KAT6B: variants seen among roughly 807,000 people sequenced by gnomAD.
The protein encoded by KAT6B is histone acetyltransferase KAT6B.
Under a neutral mutation model 187.5 loss-of-function variants are expected in KAT6B, and 10 were observed. The ratio of observed to expected loss-of-function variants is 0.05; its 90% CI spans 0.03 to 0.09. KAT6B has a LOEUF of 0.09. Ranked by LOEUF, KAT6B falls within the 10% of genes least tolerant of loss-of-function variation. KAT6B has a pLI of 1.00. For synonymous variants in KAT6B, 861 were observed against 926.8 expected (o/e 0.93, Z 1.29); for missense variants, 1,952 against 2,558.9 (o/e 0.76, Z 5.12).
intron 3 of KAT6B, among the ~76,000 whole-genome samples, chr10:74,887,925 G>T (rs12252917): frequency 0.023 from 3,534 of 152,192 alleles, 137 homozygotes; most frequent in African/African-American, 0.08. Context: ...GATTGAGACT[G>T]CAGTAAGCTA....
upstream of KAT6B, chr10:74,825,529 G>T (rs546858054): frequency 3.5e-4 from 55 of 158,116 alleles, no homozygotes; most frequent in Non-Finnish European, 5.8e-4. The surrounding 1 kb of genome is among the most constrained non-coding windows in gnomAD (Gnocchi z 5.0). Context: ...AGAAGGAGGC[G>T]GCGGCGGTGG....
intron 3 of KAT6B, among the ~76,000 whole-genome samples, chr10:74,876,227 C>T (rs1253892871): frequency 6.6e-6 from 1 of 152,130 alleles, no homozygotes; most frequent in Admixed American, 6.5e-5. Flanking sequence ...ACTCCCCACC[C>T]CTGCCGGCTT....
intron 16 of KAT6B, among the ~76,000 whole-genome samples, chr10:75,022,627 C>T (rs962289050): frequency 3.9e-5 from 6 of 152,168 alleles, no homozygotes; most frequent in African/African-American, 1.4e-4. Flanking sequence ...GAACCAAATG[C>T]GTGCTCAAGA....
chr10:74,975,854 G>C lies in KAT6B; in HGVS notation c.1517G>C (p.Ser506Thr). 6.2e-7 allele frequency: 1 copy of C among 1,614,008 alleles called. No individual in the cohort carries two copies. Among genetic ancestry groups the C allele is most frequent in the South Asian group, 1.1e-5 (1 of 91,064 alleles). ...ACCCCCATCTCCGGTCAGAGCCCCA[G>C]TTCACAAAAGTCCAGCACGGCCACT... ...PPTPISGQSP[S>T]SQKSSTATSS... The change falls in exon 8 of 18, where the codon AGT (serine) becomes ACT (threonine). Residue 506 changes from serine (S) to threonine (T), a missense_variant. Physicochemically the swap from Ser to Thr is moderately conservative, Grantham distance 58. Coordinates refer to ENST00000287239, the MANE Select transcript of KAT6B (RefSeq NM_012330.4).
intron 3 of KAT6B, among the ~76,000 whole-genome samples, chr10:74,875,480 T>C (rs1233579617): frequency 6.6e-6 from 1 of 151,744 alleles, no homozygotes; most frequent in African/African-American, 2.4e-5. Flanking sequence ...TTTTCTTTTT[T>C]TTTTTTTTTC....
Position 74,969,996 on chromosome 10 carries a change from A to G in KAT6B, c.847-24A>G, listed in dbSNP as rs182647754. The G allele has an allele frequency of 7.8e-6, 12 of 1,532,948 alleles. No homozygotes were observed. The Admixed American group carries it at 2.0e-4, about 26-fold the overall frequency. 95.0% of individuals were successfully genotyped at this position (1,532,948 alleles called of 1,614,324 possible). ...TTTACAGTTGGTTTCAGTCTCAATT[A>G]GTCTCTAATATGTTATATTACAGGA... On this transcript the variant is annotated intron_variant, in intron 5 of 17. Transcript: ENST00000287239.
At chr10:74,872,223 G>A (rs564856376) in intron 3 of KAT6B, among the ~76,000 whole-genome samples, 2 of 152,258 alleles carry the variant, frequency 1.3e-5, no homozygotes, top group South Asian at 2.1e-4. Flanking sequence ...CATACTCACA[G>A]AACCTGGAGA....
chr10:74,835,436 G>A (rs745488319), intron 1 of KAT6B, among the ~76,000 whole-genome samples: 36 of 152,144 alleles, frequency 2.4e-4, no homozygotes, highest in Non-Finnish European at 4.4e-4. Flanking sequence ...ATGTAAAACA[G>A]TTAAAGTGGA....
At chr10:74,834,202 G>GTT (rs779791101) in intron 1 of KAT6B, among the ~76,000 whole-genome samples, 31 of 140,968 alleles carry the variant, frequency 2.2e-4, no homozygotes, top group South Asian at 1.1e-3. Flanking sequence ...CTTTATTTCT[G>GTT]TTTTTTTTTT....
At chr10:74,833,529 C>T (rs546660865) in intron 1 of KAT6B, among the ~76,000 whole-genome samples, 1 of 152,218 alleles carries the variant, frequency 6.6e-6, no homozygotes, top group East Asian at 1.9e-4. Flanking sequence ...ATGGGTTTCA[C>T]CAGGAGATTT....
intron 3 of KAT6B, among the ~76,000 whole-genome samples, chr10:74,845,916 T>C (rs1200136321): frequency 2.0e-5 from 3 of 150,152 alleles, no homozygotes; most frequent in South Asian, 2.1e-4. Context: ...AAGGCTGGAG[T>C]GCAGTGGTGT....
Position 75,025,160 on chromosome 10 carries a change from C to T in KAT6B, c.3575C>T (p.Ala1192Val). 1 of 1,614,170 alleles carries T rather than the reference C, an allele frequency of 6.2e-7. No individual in the cohort carries two copies. Among genetic ancestry groups the T allele is most frequent in the South Asian group, 1.1e-5 (1 of 91,086 alleles). ...EDGRKPVLRK[A>V]FQHQPGKKRQ... ...GGCAGGAAGCCAGTCCTGAGAAAAG[C>T]ATTCCAGCATCAGCCTGGGAAGAAA... The change falls in exon 17 of 18, where the codon GCA becomes GTA. Residue 1192 changes from alanine (A) to valine (V), a missense_variant. Transcript: ENST00000287239.
chr10:74,993,803 A>T (rs1843257991), intron 13 of KAT6B, among the ~76,000 whole-genome samples: 1 of 152,102 alleles, frequency 6.6e-6, no homozygotes, highest in African/African-American at 2.4e-5. Flanking sequence ...GGCTTATCTG[A>T]TGTTTCCTCA....
intron 3 of KAT6B, among the ~76,000 whole-genome samples, chr10:74,856,323 G>A (rs1360722080): frequency 1.3e-5 from 2 of 152,124 alleles, no homozygotes; most frequent in African/African-American, 4.8e-5. Context: ...CTGACATCAG[G>A]TGATCTACCC....
At chr10:74,932,247 A>G (rs1048250451) in intron 3 of KAT6B, among the ~76,000 whole-genome samples, 8 of 152,354 alleles carry the variant, frequency 5.3e-5, no homozygotes, top group Admixed American at 2.6e-4. Flanking sequence ...AGCAATTAAC[A>G]TGCACCGTAC....
intron 3 of KAT6B, among the ~76,000 whole-genome samples, chr10:74,863,492 A>G (rs183953130): frequency 8.3e-4 from 126 of 152,354 alleles, no homozygotes; most frequent in African/African-American, 2.7e-3. Context: ...ATACTGAGGC[A>G]TGACTATGAA....
chr10:74,850,737 T>A (rs1416250017), intron 3 of KAT6B, among the ~76,000 whole-genome samples: 1 of 152,254 alleles, frequency 6.6e-6, no homozygotes, highest in African/African-American at 2.4e-5. Flanking sequence ...TCACATATTC[T>A]AAGAGAGACT....
At chr10:74,910,394 G>A (rs761360741) in intron 3 of KAT6B, among the ~76,000 whole-genome samples, 1 of 152,142 alleles carries the variant, frequency 6.6e-6, no homozygotes, top group African/African-American at 2.4e-5. Flanking sequence ...CCCCCTCGTG[G>A]CATTTCCTAT....
At chr10:74,985,048 G>A (rs1842731088) in intron 11 of KAT6B, 32 bp from the exon 12 acceptor site, 3 of 1,595,112 alleles carry the variant, frequency 1.9e-6, no homozygotes, top group Non-Finnish European at 2.6e-6. Flanking sequence ...GTATTTTTAT[G>A]TTAAATAATG....
Sources: allele counts gnomAD v4.1 joint callset (sites outside exome capture counted in the v4.1 genomes callset), GRCh38; gene constraint gnomAD v4.1.1; non-coding constraint Gnocchi (gnomAD v3.1); transcripts MANE v1.5; gene names NCBI Gene and HGNC (gene_info 2026-07-23, HGNC 2026-07-21).